Variants in NEIL1 observed in about 807,000 individuals in gnomAD.
NEIL1 encodes the protein nei like DNA glycosylase 1.
Under a neutral mutation model 44.2 loss-of-function variants are expected in NEIL1, and 31 were observed. The observed-to-expected ratio is 0.70, with a 90% CI of 0.53 to 0.95. The LOEUF (loss-of-function observed/expected upper bound fraction) is 0.95. NEIL1 is among the 40% of genes least tolerant of loss of function. The pLI is 0.00. For missense variants in NEIL1, 549 were observed against 515.5 expected (o/e 1.07, Z -0.63); for synonymous variants, 254 against 209.7 (o/e 1.21, Z -1.83).
chr15:75,356,515 G>A lies in NEIL1; in HGVS notation c.*1481G>A. On this transcript the variant is annotated 3_prime_UTR_variant, in exon 10 of 10. Coordinates refer to ENST00000355059, the MANE Select transcript of NEIL1 (RefSeq NM_024608.4). The surrounding 1 kb of genome is among the most constrained non-coding windows in gnomAD (Gnocchi z 5.8). Reference sequence around the variant, plus strand: ...GCTACCCTCCCCTGTCCCTAGAAGGGGCAGGAAGCCAGGTTGCTGGGGTTT... The same window carrying A: ...GCTACCCTCCCCTGTCCCTAGAAGGAGCAGGAAGCCAGGTTGCTGGGGTTT... 3 of 1,558,874 alleles carry A rather than the reference G, an allele frequency of 1.9e-6. No individual in the cohort carries two copies. Among genetic ancestry groups the A allele is most frequent in the East Asian group, 4.6e-5 (2 of 43,282 alleles).
intron 2 of NEIL1, 86 bp from the exon 3 acceptor site, chr15:75,352,025 C>T (rs771322701): frequency 3.3e-5 from 44 of 1,353,636 alleles, no homozygotes; most frequent in Middle Eastern, 1.8e-4. Context: ...CTTCCCCTTG[C>T]ACCCAGAAAC....
At chr15:75,352,463 T>C in intron 4 of NEIL1, 76 bp downstream of exon 4, 1 of 1,573,930 alleles carries the variant, frequency 6.4e-7, no homozygotes. Flanking sequence ...ATGGGTGGGG[T>C]CAGGTGTCCC....
chr15:75,356,957 C>A lies in NEIL1; in HGVS notation c.*1923C>A. On this transcript the variant is annotated 3_prime_UTR_variant, in exon 10 of 10. Transcript: ENST00000355059. This position sits in a 1 kb window ranked among gnomAD's most constrained non-coding sequence, Gnocchi z 5.8. ...GGCCCTGTGCCCCTCTTTGTGCTCC[C>A]AGACTCCAGAGCTCCTGTCACTAGG... The A allele has an allele frequency of 1.4e-6, 2 of 1,419,996 alleles. No homozygotes were observed. Among genetic ancestry groups the A allele is most frequent in the South Asian group, 1.2e-5 (1 of 85,976 alleles). The allele number at this position is 1,419,996 out of a possible 1,614,324, so 88.0% of individuals were successfully genotyped here. A position where few individuals can be genotyped will look rare whatever the true frequency, so the allele number is the denominator to read the frequency against.
rs2072337162 is a variant in NEIL1, at chr15:75,357,055, ACCTG to A, written c.*2025_*2028del. On this transcript the variant is annotated 3_prime_UTR_variant, in exon 10 of 10. Coordinates refer to ENST00000355059, the MANE Select transcript of NEIL1 (RefSeq NM_024608.4). Reference sequence around the variant, plus strand: ...TACGGGGCCCTGGGCATGCCACCCAACCTGCCTAAGCCTCAGTTTCCTTATCTGT... The same window carrying A: ...TACGGGGCCCTGGGCATGCCACCCAACCTAAGCCTCAGTTTCCTTATCTGT... 1.6e-6 allele frequency: 1 copy of A among 620,096 alleles called. No individual in the cohort carries two copies. Among genetic ancestry groups the A allele is most frequent in the Admixed American group, 2.8e-5 (1 of 35,112 alleles). 38.4% of individuals were successfully genotyped at this position (620,096 alleles called of 1,614,324 possible). A position where few individuals can be genotyped will look rare whatever the true frequency, so the allele number is the denominator to read the frequency against.
At chr15:75,351,257 T>C (rs1025270143) in intron 2 of NEIL1, 6 of 447,706 alleles carry the variant, frequency 1.3e-5, no homozygotes, top group Non-Finnish European at 2.2e-5. Context: ...CACAACCTCA[T>C]ATACAACCTC....
At chr15:75,348,562 G>A (rs2071623501) in intron 1 of NEIL1, 2 of 1,201,570 alleles carry the variant, frequency 1.7e-6, no homozygotes, top group Admixed American at 3.9e-5. Flanking sequence ...AGTGAGGGGA[G>A]CCGGGAAGAA....
rs946300183 is a variant in NEIL1 at position 75,348,465 on chromosome 15, T to A, written c.-22-419T>A. 1.9e-5 allele frequency: 19 copies of A among 1,025,570 alleles called. No homozygotes were observed. The African/African-American group carries it at 3.1e-4, about 17-fold the overall frequency. The allele number at this position is 1,025,570 out of a possible 1,614,324, so 63.5% of individuals were successfully genotyped here. On this transcript the variant is annotated intron_variant, in intron 1 of 9. Transcript: ENST00000355059. ...AAAGAGACAGCGTGTGCGGAGGGGG[T>A]GCTCCCTCAGATGGGGGGTCAGGAA...
rs758958269 is a variant in NEIL1 at position 75,352,350 on chromosome 15, C to A, written c.581C>A (p.Ala194Asp). The A allele has an allele frequency of 5.0e-6, 8 of 1,614,134 alleles. No individual in the cohort carries two copies. Among genetic ancestry groups the A allele is most frequent in the Non-Finnish European group, 6.8e-6 (8 of 1,180,048 alleles). Residue 194 changes from alanine (A) to aspartate (D), a missense_variant, in exon 4 of 10, where the codon GCC becomes GAC. Ala to Asp is a moderately radical substitution (Grantham distance 126). Transcript: ENST00000355059. Reference sequence around the variant, plus strand: ...CTGAAGATCCCCCCCTTTGAGAAGGCCCGCTCGGTCCTGGAGGCCCTGCAG... The same window carrying A: ...CTGAAGATCCCCCCCTTTGAGAAGGACCGCTCGGTCCTGGAGGCCCTGCAG... ...YRLKIPPFEK[A>D]RSVLEALQQH...
chr15:75,349,034 T>C lies in NEIL1; in HGVS notation c.129T>C (p.Ser43=). The C allele has an allele frequency of 6.2e-7, 1 of 1,613,750 alleles. No individual in the cohort carries two copies. Among genetic ancestry groups the C allele is most frequent in the South Asian group, 1.1e-5 (1 of 91,090 alleles). ...SRNPEVPFES[S]AYRISASARG... ...ACCCTGAGGTGCCCTTTGAGAGCAG[T>C]GCCTACCGCATCTCAGCTTCAGCCC... The change falls in exon 2 of 10, where the codon AGT becomes AGC. Residue 43 remains serine, a synonymous_variant. Transcript: ENST00000355059.
intron 1 of NEIL1, chr15:75,347,725 G>T: frequency 1.1e-6 from 1 of 886,010 alleles, no homozygotes; most frequent in Non-Finnish European, 1.4e-6. Flanking sequence ...AGGAGAAGAT[G>T]AGCTTTGGGG....
In NEIL1 at chr15:75,356,321, C is replaced by CTT. The variant is rs2072296571; in HGVS notation, c.*1287_*1288insTT. The CTT allele has an allele frequency of 1.9e-6, 3 of 1,612,208 alleles. No homozygotes were observed. Among genetic ancestry groups the CTT allele is most frequent in the Non-Finnish European group, 2.5e-6 (3 of 1,179,362 alleles). ...CTTGCCTGCTTGACGGTCTCCAATA[C>CTT]GACCGCGGGTGAAGACACGGAAAAC... On this transcript the variant is annotated 3_prime_UTR_variant, in exon 10 of 10. Transcript: ENST00000355059. This position sits in a 1 kb window ranked among gnomAD's most constrained non-coding sequence, Gnocchi z 5.8.
chr15:75,349,556 T>G, intron 2 of NEIL1: 1 of 576,284 alleles, frequency 1.7e-6, no homozygotes, highest in Non-Finnish European at 3.1e-6. Flanking sequence ...GGCTCAAGTC[T>G]GTAAATCCCA....
rs755178690 is a variant in NEIL1 at position 75,349,332 on chromosome 15, C to T, written c.427C>T (p.Gln143Ter). The T allele has an allele frequency of 6.2e-7, 1 of 1,604,526 alleles. No individual in the cohort carries two copies. Among genetic ancestry groups the T allele is most frequent in the South Asian group, 1.1e-5 (1 of 90,324 alleles). Residue 143 changes from glutamine to a stop codon, truncating the protein, a stop_gained, in exon 2 of 10, where the codon CAG becomes TAG. Transcript: ENST00000355059. LOFTEE classifies it high-confidence loss of function. ...GCCCTGTGTCTTGCAGGAGTACCAG[C>T]AGTTCAGGTAGGGCCAGCACCAGGT... ...RGPCVLQEYQQFRENVLRNLA... is the reference protein window; with the variant it reads ...RGPCVLQEYQ
rs183833363 is a variant in NEIL1, at chr15:75,355,300, G to A, written c.*266G>A. 3 of 436,148 alleles carry A rather than the reference G, an allele frequency of 6.9e-6. No homozygotes were observed. The highest frequency in any genetic ancestry group is 5.0e-5 in the South Asian group (2 of 40,034). The allele number at this position is 436,148 out of a possible 1,614,324, so 27.0% of individuals were successfully genotyped here. On this transcript the variant is annotated 3_prime_UTR_variant, in exon 10 of 10. Transcript: ENST00000355059. The stretch of plus-strand genomic sequence containing the variant: ...GCCAGGTAGGAAGGGCCTGCTGTCC[G>A]GTCCTGGTGACAGAAGGCCCAGCTC...
rs764632635 is a variant in NEIL1, at chr15:75,349,179, G to C, written c.274G>C (p.Glu92Gln). The stretch of plus-strand genomic sequence containing the variant: ...CTCTTTTCAGCTGGTGCCCCGCGAG[G>C]AGCTGCCACGCCATGCCCACCTGCG... ...SGSFQLVPRE[E>Q]LPRHAHLRFY... The change falls in exon 2 of 10, where the codon GAG becomes CAG. Residue 92 changes from glutamate to glutamine, a missense_variant. Transcript: ENST00000355059. 4.4e-6 allele frequency: 7 copies of C among 1,608,940 alleles called. No homozygotes were observed. The East Asian group carries it at 1.3e-4, about 31-fold the overall frequency.
intron 6 of NEIL1, 135 bp from the exon 7 acceptor site, chr15:75,354,115 G>T: frequency 9.0e-7 from 1 of 1,113,446 alleles, no homozygotes; most frequent in Non-Finnish European, 1.3e-6. Flanking sequence ...ACTCTAACAT[G>T]GGGGATGTCC....
Position 75,352,222 on chromosome 15 carries a change from C to T in NEIL1, c.546C>T (p.Ile182=), listed in dbSNP as rs7183491. Residue 182 remains isoleucine (I), a synonymous_variant, in exon 3 of 10, where the codon ATC becomes ATT. Coordinates refer to ENST00000355059, the MANE Select transcript of NEIL1 (RefSeq NM_024608.4). ...NGIGNYLRAE[I]LYRLKIPPFE... ...TTGGCAACTATCTGCGGGCAGAGAT[C>T]CTGTACCGGTCAGCAAGCAGGCATG... 1.2e-6 allele frequency: 2 copies of T among 1,614,248 alleles called. No homozygotes were observed. The highest frequency in any genetic ancestry group is 2.2e-5 in the South Asian group (2 of 91,084).
Position 75,354,416 on chromosome 15 carries a change from A to C in NEIL1, c.875-15A>C. 6.2e-7 allele frequency: 1 copy of C among 1,614,088 alleles called. No homozygotes were observed. The highest frequency in any genetic ancestry group is 8.5e-7 in the Non-Finnish European group (1 of 1,179,974). On this transcript the variant is annotated splice_polypyrimidine_tract_variant and intron_variant, in intron 7 of 9. Transcript: ENST00000355059. ...CAGGATAGGACCCTCCAACTCCAAC[A>C]CCAGTGTCCTGCAGGGCGCAAGTCC...
rs757873340 is a variant in NEIL1 at position 75,356,943 on chromosome 15, CCT to C, written c.*1912_*1913del. On this transcript the variant is annotated 3_prime_UTR_variant, in exon 10 of 10. Coordinates refer to ENST00000355059, the MANE Select transcript of NEIL1 (RefSeq NM_024608.4). The surrounding 1 kb of genome is among the most constrained non-coding windows in gnomAD (Gnocchi z 5.8). ...AAGACCCACTTGGTGGCCCTGTGCC[CCT>C]CTTTGTGCTCCCAGACTCCAGAGCT... 1.6e-5 allele frequency: 24 copies of C among 1,531,342 alleles called. No individual in the cohort carries two copies. The highest frequency in any genetic ancestry group is 3.4e-4 in the Middle Eastern group (2 of 5,868). 94.9% of individuals were successfully genotyped at this position (1,531,342 alleles called of 1,614,324 possible). A position where few individuals can be genotyped will look rare whatever the true frequency, so the allele number is the denominator to read the frequency against.
Sources: gnomAD v4.1 joint callset for allele counts on GRCh38, gnomAD v4.1.1 for gene constraint, Gnocchi (gnomAD v3.1) non-coding constraint, MANE v1.5 for transcripts, NCBI Gene and HGNC (gene_info 2026-07-23, HGNC 2026-07-21) for gene names.